The following HMGN4 variants were observed in gnomAD, a reference collection of about 807,000 sequenced individuals.
HMGN4 encodes high mobility group nucleosome-binding domain-containing protein 4.
For missense variants in HMGN4, 69 were observed against 104.9 expected (o/e 0.66, Z 1.49); for synonymous variants, 39 against 39.1 (o/e 1.00, Z 0.01).
Position 26,542,556 on chromosome 6 carries a change from A to G in HMGN4, c.-80-2571A>G, listed in dbSNP as rs1764300495. Among the ~76,000 whole-genome samples the G allele has an allele frequency of 6.6e-6, 1 of 152,170 alleles. No homozygotes were observed. The highest frequency in any genetic ancestry group is 1.5e-5 in the Non-Finnish European group (1 of 68,010). On this transcript the variant is annotated intron_variant, in intron 1 of 1. Transcript: ENST00000377575. This position sits in a 1 kb window ranked among gnomAD's most constrained non-coding sequence, Gnocchi z 4.6. Reference sequence around the variant, plus strand: ...AAATAATTTCTTCTGAGTTAAAACCACTGTGTGGTGAGAGCTCCTTCCTTT... The same window carrying G: ...AAATAATTTCTTCTGAGTTAAAACCGCTGTGTGGTGAGAGCTCCTTCCTTT...
In HMGN4 at chr6:26,542,570, G is replaced by C. The variant is rs752265251; in HGVS notation, c.-80-2557G>C. ...GAGTTAAAACCACTGTGTGGTGAGA[G>C]CTCCTTCCTTTTCCAACCTCCTTGT... On this transcript the variant is annotated intron_variant, in intron 1 of 1. Coordinates refer to ENST00000377575, the MANE Select transcript of HMGN4 (RefSeq NM_006353.3). The surrounding 1 kb of genome is among the most constrained non-coding windows in gnomAD (Gnocchi z 4.6). Among the ~76,000 whole-genome samples, 77 of 152,260 alleles carry C rather than the reference G, an allele frequency of 5.1e-4. No homozygotes were observed. Among genetic ancestry groups the C allele is most frequent in the South Asian group, 1.4e-3 (7 of 4,830 alleles).
chr6:26,545,168 A>G lies in HMGN4; in HGVS notation c.-39A>G, dbSNP rs766842506. On this transcript the variant is annotated 5_prime_UTR_variant, in exon 2 of 2. Transcript: ENST00000377575. ...AGCGTGAGGAGGACAGAAGCACCCA[A>G]CAGGACTGCTCAAGCCACCTGCGAA... The G allele has an allele frequency of 3.9e-6, 6 of 1,542,834 alleles. No homozygotes were observed. The highest frequency in any genetic ancestry group is 2.5e-5 in the South Asian group (2 of 78,496).
rs70977285 is a variant in HMGN4 at position 26,543,421 on chromosome 6, C to CTTTTTTTTTTTTTTTTTTTTTT, written c.-80-1688_-80-1687insTTTTTTTTTTTTTTTTTTTTTT. Among the ~76,000 whole-genome samples, 3 of 80,136 alleles carry CTTTTTTTTTTTTTTTTTTTTTT rather than the reference C, an allele frequency of 3.7e-5. 1 individual carries two copies. The highest frequency in any genetic ancestry group is 1.7e-4 in the African/African-American group (3 of 17,692). The allele number at this position is 80,136 out of a possible 152,430, so 52.6% of individuals were successfully genotyped here. A position where few individuals can be genotyped will look rare whatever the true frequency, so the allele number is the denominator to read the frequency against. On this transcript the variant is annotated intron_variant, in intron 1 of 1. Transcript: ENST00000377575. The stretch of plus-strand genomic sequence containing the variant: ...CTGTATGTCTCAGTGGCACCATTAC[C>CTTTTTTTTTTTTTTTTTTTTTT]TTTTTTTTTTTTTTTTTTGAAGCAG...
chr6:26,539,527 T>G (rs1038303105), intron 1 of HMGN4, among the ~76,000 whole-genome samples: 2 of 150,348 alleles, frequency 1.3e-5, no homozygotes, highest in Non-Finnish European at 2.9e-5. Flanking sequence ...CGCCTCGGCC[T>G]CCCAAAGTGC....
In HMGN4 at chr6:26,545,440, C is replaced by A; in HGVS notation, c.234C>A (p.Leu78=). The part of the protein sequence containing the change: ...NPAKNRDAST[L]QSQKAEGTGD... ...CAAAAAACCGAGATGCCTCTACACTCCAGTCCCAGAAAGCGGAAGGCACTG... is the reference window on the plus strand; with the variant it reads ...CAAAAAACCGAGATGCCTCTACACTACAGTCCCAGAAAGCGGAAGGCACTG... Residue 78 remains leucine, a synonymous_variant, in exon 2 of 2, where the codon CTC becomes CTA. Coordinates refer to ENST00000377575, the MANE Select transcript of HMGN4 (RefSeq NM_006353.3). 6.3e-7 allele frequency: 1 copy of A among 1,592,356 alleles called. No individual in the cohort carries two copies. Among genetic ancestry groups the A allele is most frequent in the Non-Finnish European group, 8.5e-7 (1 of 1,171,250 alleles).
rs1257227403 is a variant in HMGN4, at chr6:26,542,203, A to G, written c.-80-2924A>G. ...CTTAAAATGCGTATTTTTTTTTTAC[A>G]TTAATAGACTTCCTTTTTTCAGAGC... On this transcript the variant is annotated intron_variant, in intron 1 of 1. Coordinates refer to ENST00000377575, the MANE Select transcript of HMGN4 (RefSeq NM_006353.3). This position sits in a 1 kb window ranked among gnomAD's most constrained non-coding sequence, Gnocchi z 4.6. Among the ~76,000 whole-genome samples the G allele has an allele frequency of 6.6e-6, 1 of 151,344 alleles. No individual in the cohort carries two copies. Among genetic ancestry groups the G allele is most frequent in the East Asian group, 1.9e-4 (1 of 5,190 alleles).
chr6:26,544,735 A>G (rs1295113240), intron 1 of HMGN4, among the ~76,000 whole-genome samples: 1 of 152,212 alleles, frequency 6.6e-6, no homozygotes, highest in Non-Finnish European at 1.5e-5. Flanking sequence ...AGCCCTTGAT[A>G]TTGTCAGACA....
chr6:26,541,322 C>T (rs913267956), intron 1 of HMGN4, among the ~76,000 whole-genome samples: 3 of 152,234 alleles, frequency 2.0e-5, no homozygotes, highest in Non-Finnish European at 4.4e-5. Context: ...TGAGCCACCA[C>T]GCCCTGCCTG....
At position 26,546,790 on chromosome 6, in the gene HMGN4, G is replaced by A. The variant is rs1764355505; in HGVS notation, c.*1311G>A. On this transcript the variant is annotated 3_prime_UTR_variant, in exon 2 of 2. Coordinates refer to ENST00000377575, the MANE Select transcript of HMGN4 (RefSeq NM_006353.3). ...ACAAACCCAAGAGCATTGAAATTTT[G>A]ATTGGATTTGTATTGAATTTATAGA... Among the ~76,000 whole-genome samples, 1 of 152,150 alleles carries A rather than the reference G, an allele frequency of 6.6e-6. No individual in the cohort carries two copies. Among genetic ancestry groups the A allele is most frequent in the Non-Finnish European group, 1.5e-5 (1 of 68,016 alleles).
chr6:26,545,200 TGCTACCA>T lies in HMGN4; in HGVS notation c.-6_1del, dbSNP rs1764333732. On this transcript the variant is annotated start_lost and 5_prime_UTR_variant, in exon 2 of 2. Coordinates refer to ENST00000377575, the MANE Select transcript of HMGN4 (RefSeq NM_006353.3). Reference sequence around the variant, plus strand: ...TGCTCAAGCCACCTGCGAACACTGCTGCTACCATGCCCAAGAGAAAGGCAAAAGGAGA... The same window carrying T: ...TGCTCAAGCCACCTGCGAACACTGCTTGCCCAAGAGAAAGGCAAAAGGAGA... The T allele has an allele frequency of 6.2e-7, 1 of 1,600,484 alleles. No homozygotes were observed. Among genetic ancestry groups the T allele is most frequent in the Non-Finnish European group, 8.5e-7 (1 of 1,173,030 alleles).
rs1264022003 is a variant in HMGN4 at position 26,538,371 on chromosome 6, C to G, written c.-211C>G. On this transcript the variant is annotated 5_prime_UTR_variant, in exon 1 of 2. Coordinates refer to ENST00000377575, the MANE Select transcript of HMGN4 (RefSeq NM_006353.3). The stretch of plus-strand genomic sequence containing the variant: ...CCTCACCTTCCCTCGCCTTCCTGTT[C>G]CTGGCGGAGCCGGGCTCCGCTCGTC... 1.3e-5 allele frequency: 2 copies of G among 152,478 alleles called. No individual in the cohort carries two copies. Among genetic ancestry groups the G allele is most frequent in the South Asian group, 4.1e-4 (2 of 4,838 alleles). 9.4% of individuals were successfully genotyped at this position (152,478 alleles called of 1,614,324 possible). A position where few individuals can be genotyped will look rare whatever the true frequency, so the allele number is the denominator to read the frequency against.
chr6:26,541,587 G>C (rs1314041158), intron 1 of HMGN4, among the ~76,000 whole-genome samples: 2 of 151,880 alleles, frequency 1.3e-5, no homozygotes, highest in Non-Finnish European at 2.9e-5. Context: ...CTTCCTATAA[G>C]TACACCAGTA....
chr6:26,539,204 G>A (rs1283331417), intron 1 of HMGN4, among the ~76,000 whole-genome samples: 1 of 152,228 alleles, frequency 6.6e-6, no homozygotes, highest in Non-Finnish European at 1.5e-5. Context: ...ACTTTTTCTA[G>A]GGATTAGCCA....
chr6:26,543,748 G>A (rs561625672), intron 1 of HMGN4, among the ~76,000 whole-genome samples: 4 of 109,332 alleles, frequency 3.7e-5, no homozygotes, highest in East Asian at 3.0e-4. Context: ...GTGACAGAAC[G>A]AGACTCTGAG....
intron 1 of HMGN4, chr6:26,539,754 CTT>C (rs1387745008): frequency 6.6e-6 from 1 of 151,680 alleles, no homozygotes; most frequent in Non-Finnish European, 1.5e-5. Flanking sequence ...AAGGTCCATT[CTT>C]TTGTCATCTT....
intron 1 of HMGN4, among the ~76,000 whole-genome samples, chr6:26,543,239 A>AGTAACTCCTT (rs1207918646): frequency 6.6e-6 from 1 of 152,104 alleles, no homozygotes; most frequent in East Asian, 1.9e-4. Flanking sequence ...TCATTGTAAG[A>AGTAACTCCTT]GTAACTCCTT....
chr6:26,540,026 G>A (rs1764270739), intron 1 of HMGN4: 1 of 152,250 alleles, frequency 6.6e-6, no homozygotes. Flanking sequence ...TAGCCTGGAA[G>A]GTGAGTGTGC....
Position 26,545,330 on chromosome 6 carries a change from A to G in HMGN4, c.124A>G (p.Lys42Glu), listed in dbSNP as rs761483992. 6.2e-7 allele frequency: 1 copy of G among 1,613,976 alleles called. No individual in the cohort carries two copies. Among genetic ancestry groups the G allele is most frequent in the South Asian group, 1.1e-5 (1 of 91,072 alleles). The change falls in exon 2 of 2, where the codon AAA becomes GAA. Residue 42 changes from lysine to glutamate, a missense_variant. Physicochemically the swap from Lys to Glu is moderately conservative, Grantham distance 56. Transcript: ENST00000377575. ...TCCTCCAAAACCAGAGCCCAGGCCT[A>G]AAAAGGCCTCTGCAAAGAAGGGAGA... Reference protein sequence around the residue: ...PAPPKPEPRPKKASAKKGEKL... With the variant: ...PAPPKPEPRPEKASAKKGEKL...
Position 26,542,316 on chromosome 6 carries a change from C to T in HMGN4, c.-80-2811C>T, listed in dbSNP as rs541688369. On this transcript the variant is annotated intron_variant, in intron 1 of 1. Transcript: ENST00000377575. This position sits in a 1 kb window ranked among gnomAD's most constrained non-coding sequence, Gnocchi z 4.6. ...ACCTCAGTTTCTCCTAAGTTATTAA[C>T]AACTTACACTGGTGTGGTACATTTG... Among the ~76,000 whole-genome samples the T allele has an allele frequency of 6.6e-6, 1 of 152,268 alleles. No homozygotes were observed. The highest frequency in any genetic ancestry group is 6.5e-5 in the Admixed American group (1 of 15,298).
Sources: allele counts gnomAD v4.1 joint callset (sites outside exome capture counted in the v4.1 genomes callset), GRCh38; gene constraint gnomAD v4.1.1; non-coding constraint Gnocchi (gnomAD v3.1); transcripts MANE v1.5; gene names NCBI Gene and HGNC (gene_info 2026-07-23, HGNC 2026-07-21).